POU2AF2: variants seen among roughly 807,000 people sequenced by gnomAD.
The protein encoded by POU2AF2 is POU class 2 homeobox associating factor 2, also known as POU domain class 2-associating factor 2.
At chr11:111,248,255 A>G in the POU2AF2 span, among the ~76,000 whole-genome samples, 4 of 152,098 alleles carry the variant, frequency 2.6e-5, no homozygotes. Context: ...ATTCATTCCT[A>G]ATGGGTATCT....
chr11:111,277,035 G>A, the POU2AF2 span, among the ~76,000 whole-genome samples: 2 of 152,132 alleles, frequency 1.3e-5, no homozygotes, highest in Non-Finnish European at 2.9e-5. Flanking sequence ...TGATATTGAT[G>A]TCTAATTTGT....
At chr11:111,264,524 GAAAGAAAGAAAGAAAGA>G in the POU2AF2 span, among the ~76,000 whole-genome samples, 1 of 62,028 alleles carries the variant, frequency 1.6e-5, no homozygotes, top group African/African-American at 6.3e-5. Context: ...AAGAAAGAAA[GAAAGAAAGAAAGAAAGA>G]AAGAAAGAAA....
chr11:111,277,497 G>C, the POU2AF2 span, among the ~76,000 whole-genome samples: 1 of 152,250 alleles, frequency 6.6e-6, no homozygotes, highest in African/African-American at 2.4e-5. Flanking sequence ...AAAAGGTGAA[G>C]GGGCTGTGTC....
At chr11:111,247,938 G>A in the POU2AF2 span, among the ~76,000 whole-genome samples, 1 of 145,292 alleles carries the variant, frequency 6.9e-6, no homozygotes, top group African/African-American at 2.6e-5. Context: ...GAGTGCAGTG[G>A]TGTGGCGCGA....
the POU2AF2 span, among the ~76,000 whole-genome samples, chr11:111,267,011 C>G: frequency 6.6e-6 from 1 of 152,168 alleles, no homozygotes; most frequent in Non-Finnish European, 1.5e-5. Context: ...CCAATTATGA[C>G]TTTTGCTCCC....
chr11:111,283,038 C>T, the POU2AF2 span, among the ~76,000 whole-genome samples: 2 of 151,172 alleles, frequency 1.3e-5, no homozygotes, highest in African/African-American at 4.9e-5. Flanking sequence ...CTCCCTCTCT[C>T]CACCAAGGAA....
chr11:111,270,004 T>A, the POU2AF2 span, among the ~76,000 whole-genome samples: 2 of 152,232 alleles, frequency 1.3e-5, no homozygotes, highest in Non-Finnish European at 2.9e-5. Flanking sequence ...AGTCTATTTA[T>A]TAATTTTTGT....
chr11:111,257,500 C>G, the POU2AF2 span, among the ~76,000 whole-genome samples: 1 of 151,988 alleles, frequency 6.6e-6, no homozygotes, highest in Non-Finnish European at 1.5e-5. Flanking sequence ...TCCCAAGTAG[C>G]TGGGATTACA....
At chr11:111,275,085 T>C in the POU2AF2 span, among the ~76,000 whole-genome samples, 40,657 of 152,022 alleles carry the variant, frequency 0.27, 5,684 homozygotes, top group Admixed American at 0.33. Flanking sequence ...ATTACTTCTG[T>C]TATAATTTAA....
At chr11:111,280,934 C>A in the POU2AF2 span, among the ~76,000 whole-genome samples, 25 of 152,230 alleles carry the variant, frequency 1.6e-4, no homozygotes, top group East Asian at 5.8e-4. Context: ...ATGATAAATT[C>A]TTAGCTAAGA....
chr11:111,246,421 T>C, the POU2AF2 span, among the ~76,000 whole-genome samples: 2 of 152,218 alleles, frequency 1.3e-5, no homozygotes, highest in African/African-American at 2.4e-5. Flanking sequence ...CATCCTGAGA[T>C]ACAAATGTGA....
chr11:111,258,758 G>C, the POU2AF2 span, among the ~76,000 whole-genome samples: 1 of 152,170 alleles, frequency 6.6e-6, no homozygotes, highest in Non-Finnish European at 1.5e-5. Context: ...CATGGTCATT[G>C]TGTCATTTTT....
chr11:111,263,666 C>T, the POU2AF2 span, among the ~76,000 whole-genome samples: 21 of 152,094 alleles, frequency 1.4e-4, no homozygotes, highest in South Asian at 3.9e-3. Context: ...CTCCTGACCT[C>T]GTGATCTGCC....
the POU2AF2 span, among the ~76,000 whole-genome samples, chr11:111,280,058 ATATAT>A: frequency 0.1 from 3,744 of 36,020 alleles, 122 homozygotes; most frequent in Middle Eastern, 0.36. Flanking sequence ...AAAAAAAAAA[ATATAT>A]ATATATATAT....
the POU2AF2 span, chr11:111,281,323 T>C: frequency 1.7e-4 from 216 of 1,263,172 alleles, 5 homozygotes; most frequent in Middle Eastern, 1.7e-3. Flanking sequence ...ACCAAGCTTA[T>C]AAGGTGTATT....
chr11:111,271,387 C>T, the POU2AF2 span, among the ~76,000 whole-genome samples: 10 of 150,938 alleles, frequency 6.6e-5, no homozygotes, highest in East Asian at 1.6e-3. Flanking sequence ...AGTTCCTTAG[C>T]GTGGCTCAAA....
the POU2AF2 span, among the ~76,000 whole-genome samples, chr11:111,247,208 AGAGAG>A: frequency 1.1e-3 from 162 of 152,056 alleles, no homozygotes; most frequent in Admixed American, 2.9e-3. Context: ...AGAGAGAGAG[AGAGAG>A]AGAGAGACCG....
chr11:111,258,100 A>G, the POU2AF2 span, among the ~76,000 whole-genome samples: 4 of 152,206 alleles, frequency 2.6e-5, no homozygotes, highest in Admixed American at 2.6e-4. Context: ...CCTGGGCAAC[A>G]CAGTGAGACT....
the POU2AF2 span, chr11:111,285,735 C>T: frequency 1.9e-6 from 3 of 1,613,604 alleles, no homozygotes; most frequent in Non-Finnish European, 2.5e-6. Flanking sequence ...ACCTTGCCAC[C>T]CAGCACGAGT....
Sources: allele counts gnomAD v4.1 joint callset (sites outside exome capture counted in the v4.1 genomes callset), GRCh38; gene constraint gnomAD v4.1.1; transcripts MANE v1.5; gene names NCBI Gene and HGNC (gene_info 2026-07-23, HGNC 2026-07-21).